Variants in BDH1 observed in about 807,000 individuals in gnomAD.
The protein encoded by BDH1 is 3-hydroxybutyrate dehydrogenase 1.
Under a neutral mutation model 33.1 loss-of-function variants are expected in BDH1, and 30 were observed. The ratio of observed to expected loss-of-function variants is 0.91; its 90% confidence interval spans 0.68 to 1.23. The LOEUF is 1.23. Ranked by LOEUF, BDH1 falls within the 50% of genes most tolerant of loss-of-function variation. The pLI is 0.00. For synonymous variants in BDH1, 190 were observed against 183.6 expected (o/e 1.03, Z -0.28); for missense variants, 443 against 464.4 (o/e 0.95, Z 0.42).
At chr3:197,513,320 G>A (rs13089414) in intron 7 of BDH1, among the ~76,000 whole-genome samples, 4 of 133,324 alleles carry the variant, frequency 3.0e-5, no homozygotes, top group Non-Finnish European at 4.9e-5. Flanking sequence ...GGTGTGTCCC[G>A]GGGAGGGCAC....
intron 3 of BDH1, among the ~76,000 whole-genome samples, chr3:197,544,738 C>T (rs955123846): frequency 1.3e-5 from 2 of 152,232 alleles, no homozygotes; most frequent in African/African-American, 4.8e-5. Flanking sequence ...GCCTCTGTAT[C>T]TCTCAGAAAT....
chr3:197,532,632 G>A, intron 4 of BDH1, 110 bp from the exon 5 acceptor site: 1 of 738,842 alleles, frequency 1.4e-6, no homozygotes, highest in South Asian at 1.6e-5. Context: ...AGTGGCCCAA[G>A]CCTGGCCCTC....
intron 1 of BDH1, among the ~76,000 whole-genome samples, chr3:197,571,424 C>A (rs1717603182): frequency 6.6e-6 from 1 of 152,160 alleles, no homozygotes; most frequent in Admixed American, 6.5e-5. Context: ...TGTCCCCACC[C>A]AAATCTCATC....
intron 1 of BDH1, among the ~76,000 whole-genome samples, chr3:197,566,401 GC>G (rs1717434514): frequency 6.6e-6 from 1 of 152,124 alleles, no homozygotes; most frequent in African/African-American, 2.4e-5. Flanking sequence ...TTTCTGACAG[GC>G]CCAGGAGCCC....
At chr3:197,534,585 T>G (rs1714982611) in intron 3 of BDH1, among the ~76,000 whole-genome samples, 1 of 152,194 alleles carries the variant, frequency 6.6e-6, no homozygotes, top group South Asian at 2.1e-4. Context: ...TTCTCTTGGG[T>G]AGGTGCCCAG....
intron 3 of BDH1, among the ~76,000 whole-genome samples, chr3:197,542,544 A>G (rs1474711356): frequency 3.7e-5 from 2 of 54,060 alleles, no homozygotes; most frequent in African/African-American, 3.2e-4. Context: ...TTTTTTTGAG[A>G]CGGAGTTTTG....
rs1436146427 is a variant in BDH1, at chr3:197,544,812, C to T, written c.83+1549G>A. ...GGTGAATCCCAGCACTTTGGGAGGC[C>T]GAGGCAGGCGGATCAGTTGAAGTCA... On this transcript the variant is annotated intron_variant, in intron 3 of 7. Transcript: ENST00000392379. Among the ~76,000 whole-genome samples the T allele has an allele frequency of 6.6e-5, 10 of 152,208 alleles. No homozygotes were observed. The South Asian group carries it at 1.4e-3, about 22-fold the overall frequency.
chr3:197,550,556 G>C (rs1384892465), intron 2 of BDH1, among the ~76,000 whole-genome samples: 1 of 152,220 alleles, frequency 6.6e-6, no homozygotes, highest in African/African-American at 2.4e-5. Flanking sequence ...GACCCAAGGT[G>C]AGCCCATTGT....
chr3:197,514,742 A>C lies in BDH1; in HGVS notation c.410-326T>G, dbSNP rs1712506221. Among the ~76,000 whole-genome samples the C allele has an allele frequency of 1.4e-5, 2 of 147,172 alleles. No homozygotes were observed. Among genetic ancestry groups the C allele is most frequent in the African/African-American group, 2.5e-5 (1 of 39,592 alleles). On this transcript the variant is annotated intron_variant, in intron 6 of 7. Coordinates refer to ENST00000392379, the MANE Select transcript of BDH1 (RefSeq NM_203314.3). This position sits in a 1 kb window ranked among gnomAD's most constrained non-coding sequence, Gnocchi z 4.2. Reference sequence around the variant, plus strand: ...CACCTCAAATTCCCACTTCCACTCCACTCCACCCCATCCCATCCCCACACC... The same window carrying C: ...CACCTCAAATTCCCACTTCCACTCCCCTCCACCCCATCCCATCCCCACACC...
At chr3:197,569,770 C>T (rs1412376373) in intron 1 of BDH1, among the ~76,000 whole-genome samples, 1 of 152,170 alleles carries the variant, frequency 6.6e-6, no homozygotes, top group African/African-American at 2.4e-5. Context: ...GTCCATTAAA[C>T]CTCTTTTTCT....
At chr3:197,566,594 G>C (rs1340828028) in intron 1 of BDH1, among the ~76,000 whole-genome samples, 1 of 152,180 alleles carries the variant, frequency 6.6e-6, no homozygotes, top group Non-Finnish European at 1.5e-5. Flanking sequence ...TGGCTGCATT[G>C]TATACAAATA....
chr3:197,541,998 G>A (rs957127100), intron 3 of BDH1, among the ~76,000 whole-genome samples: 3 of 152,176 alleles, frequency 2.0e-5, no homozygotes, highest in African/African-American at 7.2e-5. Flanking sequence ...ACAGCAGTGC[G>A]CCCAACGCTT....
At chr3:197,549,505 A>G (rs1716373835) in intron 2 of BDH1, among the ~76,000 whole-genome samples, 1 of 152,200 alleles carries the variant, frequency 6.6e-6, no homozygotes, top group African/African-American at 2.4e-5. Context: ...CAGTACTAAC[A>G]TTCTCAGCAG....
intron 1 of BDH1, among the ~76,000 whole-genome samples, chr3:197,572,736 CTAAA>C (rs940225997): frequency 7.2e-5 from 11 of 152,070 alleles, no homozygotes; most frequent in African/African-American, 1.9e-4. Flanking sequence ...GACCCCATTT[CTAAA>C]TAAATAAATA....
At chr3:197,556,672 C>CAA (rs200359151), upstream of BDH1, among the ~76,000 whole-genome samples, 1 of 152,060 alleles carries the variant, frequency 6.6e-6, no homozygotes, top group Non-Finnish European at 1.5e-5. Flanking sequence ...CTCACAAAAA[C>CAA]AAAAAAATTA....
At chr3:197,562,174 C>T (rs117355686) in intron 1 of BDH1, among the ~76,000 whole-genome samples, 1 of 152,286 alleles carries the variant, frequency 6.6e-6, no homozygotes, top group East Asian at 1.9e-4. Context: ...TACAAAGTTA[C>T]GGGTGGCTGA....
intron 3 of BDH1, among the ~76,000 whole-genome samples, chr3:197,536,045 C>CAA (rs58323248): frequency 0.029 from 3,893 of 134,100 alleles, 68 homozygotes; most frequent in Middle Eastern, 0.07. Context: ...GACCCTGTCT[C>CAA]AAAAAAAAAA....
At chr3:197,570,370 G>C (rs1462616845) in intron 1 of BDH1, among the ~76,000 whole-genome samples, 1 of 152,258 alleles carries the variant, frequency 6.6e-6, no homozygotes, top group African/African-American at 2.4e-5. Flanking sequence ...GCAGAAATTT[G>C]CATAAGTAAT....
chr3:197,540,444 C>T (rs552748714), intron 3 of BDH1, among the ~76,000 whole-genome samples: 9,572 of 147,866 alleles, frequency 0.065, 549 homozygotes, highest in African/African-American at 0.14. Flanking sequence ...CTGAGGCGGG[C>T]AGACACTTGA....
Sources: gnomAD v4.1 joint callset for allele counts (sites outside exome capture counted in the v4.1 genomes callset) on GRCh38, gnomAD v4.1.1 for gene constraint, Gnocchi (gnomAD v3.1) non-coding constraint, MANE v1.5 for transcripts, NCBI Gene and HGNC (gene_info 2026-07-23, HGNC 2026-07-21) for gene names.